Variants in ZNF257 observed in about 807,000 individuals in gnomAD.
ZNF257 encodes bone marrow zinc finger 4.
Under a neutral mutation model 11.9 loss-of-function variants are expected in ZNF257, and 12 were observed. That is an observed-to-expected ratio of 1.01 (90% CI 0.65 to 1.63). ZNF257 has a LOEUF of 1.63. Among genes scored for constraint, ZNF257 ranks in the 40% most tolerant of loss-of-function variants. The pLI is 0.00. For missense variants in ZNF257, 580 were observed against 665.5 expected (o/e 0.87, Z 1.41); for synonymous variants, 183 against 222.7 (o/e 0.82, Z 1.59).
chr19:22,076,909 C>T (rs912343942), intron 3 of ZNF257, among the ~76,000 whole-genome samples: 3 of 152,074 alleles, frequency 2.0e-5, no homozygotes, highest in Non-Finnish European at 4.4e-5. Context: ...AGGATGGTCT[C>T]GATCACCTGA....
At chr19:22,077,960 C>T (rs889874814) in intron 3 of ZNF257, among the ~76,000 whole-genome samples, 3 of 151,396 alleles carry the variant, frequency 2.0e-5, no homozygotes, top group African/African-American at 7.3e-5. Context: ...CCATTCTAGG[C>T]CAGGCACGGT....
intron 1 of ZNF257, among the ~76,000 whole-genome samples, chr19:22,066,598 G>A: frequency 6.8e-6 from 1 of 147,668 alleles, no homozygotes; most frequent in South Asian, 2.1e-4. Context: ...AATGTAAATA[G>A]CCAAAATGAT....
intron 3 of ZNF257, 113 bp downstream of exon 3, chr19:22,073,677 G>C: frequency 7.4e-7 from 1 of 1,347,998 alleles, no homozygotes; most frequent in Non-Finnish European, 1.0e-6. Context: ...AAGGGATATA[G>C]TTTCTGGAAG....
intron 3 of ZNF257, among the ~76,000 whole-genome samples, chr19:22,083,833 C>T (rs554438737): frequency 6.6e-6 from 1 of 151,992 alleles, no homozygotes; most frequent in African/African-American, 2.4e-5. Context: ...AGAATATTTT[C>T]TGCTTTTTGA....
intron 1 of ZNF257, among the ~76,000 whole-genome samples, chr19:22,070,872 C>T (rs1170446887): frequency 6.6e-6 from 1 of 152,124 alleles, no homozygotes; most frequent in Non-Finnish European, 1.5e-5. Flanking sequence ...GATTTGTAAG[C>T]TCATTAAAGC....
At chr19:22,087,796 A>AC (rs2022509080) in intron 3 of ZNF257, among the ~76,000 whole-genome samples, 181 bp from the exon 4 acceptor site, 3 of 152,122 alleles carry the variant, frequency 2.0e-5, no homozygotes, top group African/African-American at 7.2e-5. Context: ...AATTTTCCAA[A>AC]AATGTGTTTT....
chr19:22,072,915 A>G lies in ZNF257; in HGVS notation c.110A>G (p.Tyr37Cys). Residue 37 changes from tyrosine to cysteine, a missense_variant, in exon 2 of 4, where the codon TAC (tyrosine) becomes TGC (cysteine). Transcript: ENST00000594947. The part of the protein sequence containing the change: ...NLYRDVMLEN[Y>C]RNLVFLGIAV... The stretch of plus-strand genomic sequence containing the variant: ...TATAGGGATGTGATGTTAGAGAACT[A>G]CAGAAACCTGGTCTTCCTGGGTGAG... The G allele has an allele frequency of 1.9e-6, 3 of 1,612,924 alleles. No homozygotes were observed. In the South Asian group the frequency reaches 3.3e-5, roughly 18 times the overall value.
chr19:22,076,820 C>T (rs1181862222), intron 3 of ZNF257, among the ~76,000 whole-genome samples: 1 of 152,138 alleles, frequency 6.6e-6, no homozygotes, highest in East Asian at 1.9e-4. Flanking sequence ...TCCCGAGTAG[C>T]TGGGACTACA....
At chr19:22,079,672 GAC>G (rs549822901) in intron 3 of ZNF257, among the ~76,000 whole-genome samples, 26 of 152,098 alleles carry the variant, frequency 1.7e-4, no homozygotes, top group Non-Finnish European at 3.2e-4. Flanking sequence ...TCTCTCTCAT[GAC>G]ACATGGGAAT....
In ZNF257 at chr19:22,052,553, G is replaced by T. The variant is rs988873668; in HGVS notation, c.-80G>T. On this transcript the variant is annotated 5_prime_UTR_variant, in exon 1 of 4. Coordinates refer to ENST00000594947, the MANE Select transcript of ZNF257 (RefSeq NM_033468.4). ...TGGTCTGTGTCCTCTTCTCCTAGGG[G>T]CCCAGCCTCTGTGGCCCTGTGACCT... 6.5e-7 allele frequency: 1 copy of T among 1,545,624 alleles called. No individual in the cohort carries two copies. Among genetic ancestry groups the T allele is most frequent in the Non-Finnish European group, 8.9e-7 (1 of 1,126,618 alleles).
In ZNF257 at chr19:22,053,647, C is replaced by T. The variant is rs115855689; in HGVS notation, c.3+1012C>T. 5.8e-3 allele frequency among the ~76,000 whole-genome samples: 881 copies of T among 152,230 alleles called. 9 individuals carry two copies. Among genetic ancestry groups the T allele is most frequent in the African/African-American group, 0.02 (848 of 41,554 alleles). ...AATTTATAAAAACATGCGTTTGAGG[C>T]CGGCGCTGTGGCTCACGCTTGTAAT... On this transcript the variant is annotated intron_variant, in intron 1 of 3. Transcript: ENST00000594947.
Position 22,052,770 on chromosome 19 carries a change from G to A in ZNF257, c.3+135G>A, listed in dbSNP as rs114931107. ...CGCCCGAGTTTTCCTTGGCCAGCTC[G>A]GCCTCGGTCCCCCTCAGCCATAAGA... On this transcript the variant is annotated intron_variant, in intron 1 of 3. Coordinates refer to ENST00000594947, the MANE Select transcript of ZNF257 (RefSeq NM_033468.4). The A allele has an allele frequency of 8.5e-3, 9,432 of 1,105,706 alleles. 77 individuals are homozygous for A. The highest frequency in any genetic ancestry group is 0.012 in the African/African-American group (738 of 64,148). 68.5% of individuals were successfully genotyped at this position (1,105,706 alleles called of 1,614,324 possible). A position where few individuals can be genotyped will look rare whatever the true frequency, so the allele number is the denominator to read the frequency against.
chr19:22,082,889 A>AG (rs746521298), intron 3 of ZNF257, among the ~76,000 whole-genome samples: 8 of 152,200 alleles, frequency 5.3e-5, no homozygotes, highest in Non-Finnish European at 1.0e-4. Flanking sequence ...GAACAATTTA[A>AG]GACAGTGTGG....
At chr19:22,085,138 C>T (rs572610225) in intron 3 of ZNF257, among the ~76,000 whole-genome samples, 10 of 152,084 alleles carry the variant, frequency 6.6e-5, no homozygotes, top group South Asian at 2.1e-4. Context: ...CTGCAACCTC[C>T]GCCTCCTGGG....
At chr19:22,071,171 G>C (rs749008894) in intron 1 of ZNF257, among the ~76,000 whole-genome samples, 4 of 152,114 alleles carry the variant, frequency 2.6e-5, no homozygotes, top group Non-Finnish European at 5.9e-5. Flanking sequence ...AAGGCAGTGT[G>C]GCCCATATTA....
At chr19:22,053,366 CAAAA>C (rs61426953) in intron 1 of ZNF257, among the ~76,000 whole-genome samples, 7 of 76,498 alleles carry the variant, frequency 9.2e-5, no homozygotes, top group Admixed American at 4.0e-4. Flanking sequence ...GACTCCGTCT[CAAAA>C]AAAAAAAAAA....
chr19:22,087,936 G>T, intron 3 of ZNF257, 41 bp from the exon 4 acceptor site: 2 of 1,439,584 alleles, frequency 1.4e-6, no homozygotes, highest in Non-Finnish European at 1.8e-6. Context: ...ATTTACCTGA[G>T]TCTAGTAAGT....
intron 3 of ZNF257, among the ~76,000 whole-genome samples, chr19:22,080,391 A>T (rs1047809525): frequency 6.6e-6 from 1 of 152,116 alleles, no homozygotes; most frequent in South Asian, 2.1e-4. Context: ...TTTACATTCT[A>T]TTAATTCAAA....
intron 1 of ZNF257, among the ~76,000 whole-genome samples, chr19:22,069,020 A>T (rs1013734981): frequency 6.6e-6 from 1 of 152,178 alleles, no homozygotes; most frequent in Non-Finnish European, 1.5e-5. Context: ...GAAATGGGTC[A>T]TCCTTCCCTC....
Sources: gnomAD v4.1 joint callset for allele counts (sites outside exome capture counted in the v4.1 genomes callset) on GRCh38, gnomAD v4.1.1 for gene constraint, MANE v1.5 for transcripts, NCBI Gene and HGNC (gene_info 2026-07-23, HGNC 2026-07-21) for gene names.